The following PDE3B variants were observed in gnomAD, a reference collection of about 807,000 sequenced individuals.
The protein encoded by PDE3B is phosphodiesterase 3B, also known as cGMP-inhibited 3',5'-cyclic phosphodiesterase 3B.
In PDE3B, 66 loss-of-function variants were observed where a neutral mutation model predicts 116.8. That is an observed-to-expected ratio of 0.56 (90% CI 0.46 to 0.69). PDE3B has a LOEUF of 0.69. Ranked by LOEUF, PDE3B falls within the 30% of genes least tolerant of loss-of-function variation. The probability of loss-of-function intolerance (pLI) is 0.00; values close to 1 mark genes in which losing one functional copy is unlikely to be tolerated. For synonymous variants in PDE3B, 595 were observed against 533.6 expected, an observed-to-expected ratio of 1.12 and a Z score of -1.59; for missense variants, 1,384 against 1,368.1, an observed-to-expected ratio of 1.01 and a Z score of -0.18.
intron 12 of PDE3B, among the ~76,000 whole-genome samples, chr11:14,845,901 A>T (rs958058733): frequency 2.0e-5 from 3 of 152,174 alleles, no homozygotes; most frequent in African/African-American, 7.2e-5. Flanking sequence ...TGGAACCAAG[A>T]TGGAAAACAC....
At chr11:14,789,317 A>T in intron 4 of PDE3B, 75 bp downstream of exon 4, 1 of 1,139,622 alleles carries the variant, frequency 8.8e-7, no homozygotes, top group South Asian at 1.4e-5. Flanking sequence ...TGTTTCAAAT[A>T]GTTCTGGAAG....
chr11:14,830,712 AT>A lies in PDE3B; in HGVS notation c.1826del (p.Phe609SerfsTer33), dbSNP rs963800335. On this transcript the variant is annotated frameshift_variant, in exon 8 of 16. Coordinates refer to ENST00000282096, the MANE Select transcript of PDE3B (RefSeq NM_000922.4). LOFTEE classifies it high-confidence loss of function. ...TTTTTTGAAAGGTGAAGAAGAAAAC[AT>A]TTTCTCGAAAGAATCATTCAAACTT... Reference protein sequence around the residue: ...CSGKSGEEENIFSKESFKLME... With the variant: ...CSGKSGEEENXFSKESFKLME... The A allele has an allele frequency of 6.8e-7, 1 of 1,469,858 alleles. No homozygotes were observed. The highest frequency in any genetic ancestry group is 9.1e-7 in the Non-Finnish European group (1 of 1,104,892). 91.1% of individuals were successfully genotyped at this position (1,469,858 alleles called of 1,614,324 possible).
intron 1 of PDE3B, among the ~76,000 whole-genome samples, chr11:14,748,390 C>T (rs1388987501): frequency 6.6e-6 from 1 of 152,154 alleles, no homozygotes; most frequent in African/African-American, 2.4e-5. Context: ...ATTTTTAAAT[C>T]ATTCTCAGAA....
intron 1 of PDE3B, 145 bp from the exon 2 acceptor site, chr11:14,771,792 A>C (rs1857648780): frequency 2.6e-6 from 1 of 386,822 alleles, no homozygotes; most frequent in Non-Finnish European, 4.8e-6. Flanking sequence ...TATTCTGTCG[A>C]GATAATTTTT....
At chr11:14,661,257 T>C (rs1047135732) in intron 1 of PDE3B, among the ~76,000 whole-genome samples, 1 of 152,216 alleles carries the variant, frequency 6.6e-6, no homozygotes, top group African/African-American at 2.4e-5. Context: ...TAGCAAAGAC[T>C]TGGAACCAAG....
In PDE3B at chr11:14,644,256, C is replaced by T; in HGVS notation, c.181C>T (p.Pro61Ser). ...LCRFCNVELR[P>S]PPASPQQPRR... ...CCGCTTCTGCAACGTGGAGCTGCGG[C>T]CGCCGCCGGCCTCTCCCCAGCAGCC... is the stretch of plus-strand genomic sequence containing the variant. The change falls in exon 1 of 16, where the codon CCG (proline) becomes TCG (serine). Residue 61 changes from proline (P) to serine (S), a missense_variant. Coordinates refer to ENST00000282096, the MANE Select transcript of PDE3B (RefSeq NM_000922.4). 1 of 1,567,812 alleles carries T rather than the reference C, an allele frequency of 6.4e-7. No individual in the cohort carries two copies. The highest frequency in any genetic ancestry group is 8.6e-7 in the Non-Finnish European group (1 of 1,164,700).
chr11:14,855,272 A>G (rs1034258427), intron 12 of PDE3B, among the ~76,000 whole-genome samples: 10 of 152,152 alleles, frequency 6.6e-5, no homozygotes, highest in Non-Finnish European at 1.5e-4. Flanking sequence ...GTGCCAGGAA[A>G]GTTGAATAGA....
At position 14,663,475 on chromosome 11, in the gene PDE3B, A is replaced by G. The variant is rs981055643; in HGVS notation, c.978+18422A>G. ...ACATAACAATATTAACTTTAAATGT[A>G]AATGGGCTAAATGCTCCAATTAAAA... On this transcript the variant is annotated intron_variant, in intron 1 of 15. Transcript: ENST00000282096. Among the ~76,000 whole-genome samples, 4 of 152,228 alleles carry G rather than the reference A, an allele frequency of 2.6e-5. No individual in the cohort carries two copies. The East Asian group carries it at 7.7e-4, about 29-fold the overall frequency.
chr11:14,851,153 G>A (rs941131655), intron 12 of PDE3B, among the ~76,000 whole-genome samples: 3 of 152,022 alleles, frequency 2.0e-5, no homozygotes, highest in African/African-American at 7.3e-5. Flanking sequence ...AGAATTTAGT[G>A]TGGTTGTGGT....
intron 1 of PDE3B, among the ~76,000 whole-genome samples, chr11:14,771,350 G>A (rs1857637663): frequency 6.6e-6 from 1 of 151,488 alleles, no homozygotes; most frequent in Non-Finnish European, 1.5e-5. Context: ...TAGGAAGAAG[G>A]GCAGGAAAAA....
chr11:14,796,781 T>C (rs544886186), intron 4 of PDE3B, among the ~76,000 whole-genome samples: 2 of 152,334 alleles, frequency 1.3e-5, no homozygotes, highest in East Asian at 3.9e-4. Context: ...GTCAGATGGA[T>C]AGAGTGTAAA....
At chr11:14,770,781 C>T (rs1857616844) in intron 1 of PDE3B, among the ~76,000 whole-genome samples, 4 of 151,532 alleles carry the variant, frequency 2.6e-5, no homozygotes, top group South Asian at 2.1e-4. Flanking sequence ...AAAGAAATTA[C>T]GTTCTGCAAG....
intron 1 of PDE3B, among the ~76,000 whole-genome samples, chr11:14,708,241 G>A (rs940112790): frequency 6.6e-6 from 1 of 151,854 alleles, no homozygotes; most frequent in African/African-American, 2.4e-5. Flanking sequence ...TTTTTGTCAT[G>A]TGGTCTATGC....
intron 1 of PDE3B, among the ~76,000 whole-genome samples, chr11:14,662,391 A>C (rs1247858122): frequency 3.9e-5 from 6 of 152,238 alleles, no homozygotes; most frequent in Admixed American, 3.9e-4. Flanking sequence ...AACTCTAAAA[A>C]GCAGAACGCC....
At position 14,867,771 on chromosome 11, in the gene PDE3B, G is replaced by A; in HGVS notation, c.3139+13G>A. 6.3e-7 allele frequency: 1 copy of A among 1,581,394 alleles called. No individual in the cohort carries two copies. The highest frequency in any genetic ancestry group is 8.7e-7 in the Non-Finnish European group (1 of 1,152,340). ...AATCTAAATCCAAGTAAGAATATAG[G>A]GACATTATAATTTATTTAATGTTAT... is the stretch of plus-strand genomic sequence containing the variant. On this transcript the variant is annotated intron_variant, in intron 15 of 15. Coordinates refer to ENST00000282096, the MANE Select transcript of PDE3B (RefSeq NM_000922.4).
chr11:14,781,205 C>A (rs184097799), intron 2 of PDE3B, among the ~76,000 whole-genome samples: 2 of 152,102 alleles, frequency 1.3e-5, no homozygotes, highest in East Asian at 3.9e-4. Flanking sequence ...CAGGACCAGA[C>A]GGAGTCACAG....
intron 1 of PDE3B, among the ~76,000 whole-genome samples, chr11:14,747,695 A>C (rs905158484): frequency 1.3e-5 from 2 of 152,144 alleles, no homozygotes; most frequent in African/African-American, 4.8e-5. Context: ...ATGTGTGTGT[A>C]TTGGGGGAGG....
the PDE3B span, chr11:14,879,316 T>C: frequency 1.9e-6 from 3 of 1,613,176 alleles, no homozygotes; most frequent in Non-Finnish European, 2.5e-6. Context: ...AAATCCCTAA[T>C]GGAACTATAT....
At position 14,786,508 on chromosome 11, in the gene PDE3B, G is replaced by T; in HGVS notation, c.1101G>T (p.Leu367=). 1 of 1,612,792 alleles carries T rather than the reference G, an allele frequency of 6.2e-7. No individual in the cohort carries two copies. The highest frequency in any genetic ancestry group is 8.5e-7 in the Non-Finnish European group (1 of 1,179,010). The change falls in exon 3 of 16, where the codon CTG becomes CTT. Residue 367 remains leucine, a synonymous_variant. Coordinates refer to ENST00000282096, the MANE Select transcript of PDE3B (RefSeq NM_000922.4). ...NEARNMVSDL[L]TDPSLPPQVI... is the part of the protein sequence containing the mutation. ...CTCGCAATATGGTGTCAGATCTTCT[G>T]ACTGATCCAAGCCTTCCACCACAAG...
Sources: allele counts gnomAD v4.1 joint callset (sites outside exome capture counted in the v4.1 genomes callset), GRCh38; gene constraint gnomAD v4.1.1; transcripts MANE v1.5; gene names NCBI Gene and HGNC (gene_info 2026-07-23, HGNC 2026-07-21).